The following ADGRL3 variants were observed in gnomAD, a reference collection of about 807,000 sequenced individuals.
ADGRL3 encodes the protein calcium-independent alpha-latrotoxin receptor 3.
In ADGRL3, 62 loss-of-function variants were observed where a neutral mutation model predicts 153.5. That is an observed-to-expected ratio of 0.40 (90% CI 0.33 to 0.50). The LOEUF (loss-of-function observed/expected upper bound fraction) is 0.50, where lower values mean the gene tolerates loss of function less well. Ranked by LOEUF, ADGRL3 falls within the 20% of genes least tolerant of loss-of-function variation. ADGRL3 has a pLI of 0.47. For missense variants in ADGRL3, 1,641 were observed against 1,859.4 expected (o/e 0.88, Z 2.16); for synonymous variants, 710 against 672.5 (o/e 1.06, Z -0.86).
intron 1 of ADGRL3, among the ~76,000 whole-genome samples, chr4:61,317,795 T>C (rs2095258053): frequency 6.6e-6 from 1 of 152,144 alleles, no homozygotes; most frequent in Non-Finnish European, 1.5e-5. Context: ...ATATTAATAG[T>C]AAAATACCTT....
intron 1 of ADGRL3, among the ~76,000 whole-genome samples, chr4:61,209,323 A>C (rs1213984433): frequency 1.3e-5 from 2 of 152,252 alleles, no homozygotes; most frequent in African/African-American, 4.8e-5. Flanking sequence ...TGTCATCTCT[A>C]TCTGCAAAAT....
Position 62,076,863 on chromosome 4 carries a change from A to G in ADGRL3, c.*5955A>G, listed in dbSNP as rs1257970323. 1 of 151,746 alleles carries G rather than the reference A, an allele frequency of 6.6e-6. No homozygotes were observed. The highest frequency in any genetic ancestry group is 2.4e-5 in the African/African-American group (1 of 41,400). 9.4% of individuals were successfully genotyped at this position (151,746 alleles called of 1,614,324 possible). On this transcript the variant is annotated 3_prime_UTR_variant, in exon 27 of 27. Coordinates refer to ENST00000683033, the MANE Select transcript of ADGRL3 (RefSeq NM_001387552.1). ...GTAGCTTTGTACCTTTTAAAGCTCT[A>G]TTATGAATCTTTCTAATACATATGA...
intron 3 of ADGRL3, among the ~76,000 whole-genome samples, chr4:61,503,429 A>G (rs1052513909): frequency 3.9e-5 from 6 of 151,998 alleles, no homozygotes; most frequent in Non-Finnish European, 5.9e-5. Context: ...GTTGTTTTAT[A>G]CTTAATGTTG....
At chr4:61,522,873 C>A (rs1269432778) in intron 4 of ADGRL3, among the ~76,000 whole-genome samples, 1 of 152,196 alleles carries the variant, frequency 6.6e-6, no homozygotes, top group Middle Eastern at 3.4e-3. Flanking sequence ...ATACCTTTGG[C>A]AAATATTATC....
chr4:61,244,548 AT>A (rs1032930281), intron 1 of ADGRL3, among the ~76,000 whole-genome samples: 30 of 152,030 alleles, frequency 2.0e-4, no homozygotes, highest in African/African-American at 7.0e-4. Flanking sequence ...CTAGCATTTA[AT>A]TTTTTTAGGG....
intron 15 of ADGRL3, among the ~76,000 whole-genome samples, chr4:61,936,988 A>G (rs2098841882): frequency 6.6e-6 from 1 of 152,182 alleles, no homozygotes; most frequent in Admixed American, 6.6e-5. Context: ...TCTGAATAAA[A>G]TGGTCTGTAA....
chr4:61,680,704 A>G (rs2095317195), intron 6 of ADGRL3, among the ~76,000 whole-genome samples: 1 of 152,030 alleles, frequency 6.6e-6, no homozygotes. Context: ...TGAATGAGTC[A>G]AATGGTACGA....
intron 3 of ADGRL3, among the ~76,000 whole-genome samples, chr4:61,505,170 G>A (rs1220282619): frequency 6.6e-6 from 1 of 152,072 alleles, no homozygotes; most frequent in African/African-American, 2.4e-5. Context: ...ATATTTCATT[G>A]TAGTTATAAT....
chr4:61,363,970 G>A (rs1271901387), intron 1 of ADGRL3, among the ~76,000 whole-genome samples: 1 of 152,008 alleles, frequency 6.6e-6, no homozygotes, highest in Admixed American at 6.6e-5. Flanking sequence ...TATAATCTGT[G>A]ATAAATAATT....
chr4:61,432,576 T>TTCTTTCTTTCTTTC (rs2097371363), intron 2 of ADGRL3, among the ~76,000 whole-genome samples: 1 of 1,748 alleles, frequency 5.7e-4, no homozygotes, highest in Admixed American at 8.8e-3. Flanking sequence ...TTCTCTTCCT[T>TTCTTTCTTTCTTTC]TCTTTCTTTC....
At chr4:61,913,157 C>T (rs2098729812) in intron 13 of ADGRL3, among the ~76,000 whole-genome samples, 1 of 152,086 alleles carries the variant, frequency 6.6e-6, no homozygotes, top group Non-Finnish European at 1.5e-5. Flanking sequence ...ATCCAGGATA[C>T]TTGGAATATC....
At position 61,709,785 on chromosome 4, in the gene ADGRL3, G is replaced by A. The variant is rs541365887; in HGVS notation, c.584-20837G>A. On this transcript the variant is annotated intron_variant, in intron 6 of 26. Coordinates refer to ENST00000683033, the MANE Select transcript of ADGRL3 (RefSeq NM_001387552.1). ...ATTTGTATTCTGCCAGTAGTAGTTA[G>A]TATTTACTTTATTAATGATTACAAT... Among the ~76,000 whole-genome samples, 61 of 152,192 alleles carry A rather than the reference G, an allele frequency of 4.0e-4. 1 individual carries two copies. The highest frequency in any genetic ancestry group is 1.4e-3 in the African/African-American group (58 of 41,534).
At chr4:61,612,014 G>T (rs1428353832) in intron 5 of ADGRL3, among the ~76,000 whole-genome samples, 2 of 151,786 alleles carry the variant, frequency 1.3e-5, no homozygotes, top group African/African-American at 4.8e-5. Context: ...GTTCACTCAG[G>T]GTAAGAATGG....
intron 2 of ADGRL3, among the ~76,000 whole-genome samples, chr4:61,438,159 C>G (rs908526881): frequency 1.3e-4 from 19 of 151,970 alleles, no homozygotes; most frequent in African/African-American, 4.6e-4. Context: ...CATGACAGAA[C>G]AAATGTGTCT....
chr4:61,253,729 A>G (rs1487879639), intron 1 of ADGRL3, among the ~76,000 whole-genome samples: 3 of 152,208 alleles, frequency 2.0e-5, no homozygotes, highest in Non-Finnish European at 4.4e-5. Context: ...ACATATATAT[A>G]TAGGATTAAG....
intron 1 of ADGRL3, among the ~76,000 whole-genome samples, chr4:61,315,752 A>T (rs1014269410): frequency 6.6e-6 from 1 of 152,154 alleles, no homozygotes; most frequent in Admixed American, 6.5e-5. Context: ...CCGCCATAAA[A>T]TCATTTTCAG....
chr4:61,246,553 G>GCAAT (rs1757167081), intron 1 of ADGRL3, among the ~76,000 whole-genome samples: 1 of 151,750 alleles, frequency 6.6e-6, no homozygotes, highest in South Asian at 2.1e-4. Flanking sequence ...TTGAAACTTA[G>GCAAT]CAATATTGGC....
intron 21 of ADGRL3, among the ~76,000 whole-genome samples, chr4:62,024,197 A>T (rs1339731351): frequency 6.6e-6 from 1 of 152,138 alleles, no homozygotes; most frequent in East Asian, 1.9e-4. Context: ...TTAATTTATT[A>T]TACTCAGTTT....
chr4:61,409,318 A>G (rs2097052629), intron 2 of ADGRL3, among the ~76,000 whole-genome samples: 1 of 141,452 alleles, frequency 7.1e-6, no homozygotes, highest in Admixed American at 7.4e-5. Flanking sequence ...TATAATATAT[A>G]TTAGACATAT....
Sources: gnomAD v4.1 joint callset for allele counts (sites outside exome capture counted in the v4.1 genomes callset) on GRCh38, gnomAD v4.1.1 for gene constraint, MANE v1.5 for transcripts, NCBI Gene and HGNC (gene_info 2026-07-23, HGNC 2026-07-21) for gene names.